Variants in ECE1 observed in about 807,000 individuals in gnomAD.
The protein encoded by ECE1 is endothelin-converting enzyme 1.
Under a neutral mutation model 98.6 loss-of-function variants are expected in ECE1, and 35 were observed. That is an observed-to-expected ratio of 0.35 (90% confidence interval 0.27 to 0.47). The LOEUF (loss-of-function observed/expected upper bound fraction) is 0.47, where lower values mean the gene tolerates loss of function less well. ECE1 is among the 20% of genes least tolerant of loss of function. The pLI is 1.00. For missense variants in ECE1, 814 were observed against 1,025.3 expected, an observed-to-expected ratio of 0.79 and a Z score of 2.81; for synonymous variants, 394 against 407.1, an observed-to-expected ratio of 0.97 and a Z score of 0.39.
chr1:21,264,780 T>C (rs2098231753), intron 4 of ECE1, among the ~76,000 whole-genome samples: 1 of 152,172 alleles, frequency 6.6e-6, no homozygotes, highest in Admixed American at 6.5e-5. Flanking sequence ...GCATTAACAT[T>C]TCATGGAGGC....
intron 8 of ECE1, among the ~76,000 whole-genome samples, 179 bp from the exon 9 acceptor site, chr1:21,247,542 A>T (rs2103264412): frequency 6.6e-6 from 1 of 152,282 alleles, no homozygotes; most frequent in South Asian, 2.1e-4. Context: ...CTGTAGGTAG[A>T]ATTCTAAGGA....
intron 1 of ECE1, among the ~76,000 whole-genome samples, chr1:21,343,599 T>C (rs113274698): frequency 2.0e-5 from 3 of 152,338 alleles, no homozygotes; most frequent in African/African-American, 7.2e-5. Flanking sequence ...CCTTTGGAGG[T>C]AAGTGTTATC....
Position 21,327,151 on chromosome 1 carries a change from G to A in ECE1, c.3+18225C>T, listed in dbSNP as rs61781573. 0.069 allele frequency among the ~76,000 whole-genome samples: 10,552 copies of A among 152,258 alleles called. 495 individuals carry two copies. The highest frequency in any genetic ancestry group is 0.1 in the Non-Finnish European group (7,115 of 67,988). ...CAGACTCTGCAGGCAGCAGGGCATG[G>A]GGAGGGACGAAGCCACCAGGAGACT... On this transcript the variant is annotated intron_variant, in intron 1 of 18. Transcript: ENST00000415912. The surrounding 1 kb of genome is among the most constrained non-coding windows in gnomAD (Gnocchi z 4.6).
chr1:21,238,049 G>C, intron 11 of ECE1, 85 bp downstream of exon 11: 1 of 1,261,526 alleles, frequency 7.9e-7, no homozygotes, highest in South Asian at 1.2e-5. Context: ...AAAGGCCCAG[G>C]GTGGGCTGGA....
At chr1:21,310,290 C>A (rs1172174149) in intron 1 of ECE1, among the ~76,000 whole-genome samples, 1 of 152,188 alleles carries the variant, frequency 6.6e-6, no homozygotes, top group Admixed American at 6.5e-5. Context: ...ACATCCTTCA[C>A]ACCCAGAGAA....
At chr1:21,274,485 AAGGT>A (rs766607741) in intron 3 of ECE1, among the ~76,000 whole-genome samples, 34 of 152,314 alleles carry the variant, frequency 2.2e-4, no homozygotes, top group Middle Eastern at 3.4e-3. Context: ...GTTAGGAAGA[AAGGT>A]AGGACCAATT....
chr1:21,259,316 G>A (rs2103291587), intron 5 of ECE1, among the ~76,000 whole-genome samples: 1 of 152,246 alleles, frequency 6.6e-6, no homozygotes, highest in African/African-American at 2.4e-5. Flanking sequence ...TTCCCAGGCT[G>A]AAGTGCAGTG....
chr1:21,278,120 G>A (rs538526174), intron 3 of ECE1, among the ~76,000 whole-genome samples: 3 of 152,218 alleles, frequency 2.0e-5, no homozygotes, highest in Non-Finnish European at 2.9e-5. Flanking sequence ...GTGGGATGCT[G>A]AGCAGAGCCC....
rs576226597 is a variant in ECE1 at position 21,229,060 on chromosome 1, C to T, written c.1671-1019G>A. ...GTTTCACCGTGTTAGCCAGGATGGT[C>T]TCGATCTCCTGACCTCGTGATCCGC... On this transcript the variant is annotated intron_variant, in intron 14 of 18. Transcript: ENST00000374893. Among the ~76,000 whole-genome samples, 17 of 152,092 alleles carry T rather than the reference C, an allele frequency of 1.1e-4. 1 individual carries two copies. The highest frequency in any genetic ancestry group is 4.1e-4 in the African/African-American group (17 of 41,540).
intron 8 of ECE1, 86 bp downstream of exon 8, chr1:21,255,855 TAGATGA>T: frequency 7.6e-7 from 1 of 1,309,706 alleles, no homozygotes; most frequent in Non-Finnish European, 1.1e-6. Flanking sequence ...TTTCAAGGAC[TAGATGA>T]AATGAGTATA....
rs1187784704 is a variant in ECE1 at position 21,260,370 on chromosome 1, G to A, written c.516C>T (p.Ser172=). Residue 172 remains serine (S), a synonymous_variant, in exon 5 of 19, where the codon AGC becomes AGT. Transcript: ENST00000374893. This position sits in a 1 kb window ranked among gnomAD's most constrained non-coding sequence, Gnocchi z 4.3. ...ATACTTGCGCCTTTCTCTCTGCCTC[G>A]CTCACGCTGGCCGTGGAGTTTTCTG... ...HLLENSTASV[S]EAERKAQVYY... 5.6e-6 allele frequency: 9 copies of A among 1,614,102 alleles called. No homozygotes were observed. Among genetic ancestry groups the A allele is most frequent in the African/African-American group, 5.3e-5 (4 of 74,938 alleles).
At chr1:21,324,748 G>T (rs1229274769) in intron 1 of ECE1, among the ~76,000 whole-genome samples, 1 of 152,226 alleles carries the variant, frequency 6.6e-6, no homozygotes, top group Non-Finnish European at 1.5e-5. Context: ...GGAAGCCAGG[G>T]ACAAATGGAG....
chr1:21,225,214 C>T lies in ECE1; in HGVS notation c.2040+36G>A. ...GACAGGCATCTGGAAGGAGCCAGCA[C>T]TGGGACCGTGCGCGTGTGGGGAGCG... On this transcript the variant is annotated intron_variant, in intron 17 of 18. Transcript: ENST00000374893. The surrounding 1 kb of genome is among the most constrained non-coding windows in gnomAD (Gnocchi z 5.3). 6.2e-7 allele frequency: 1 copy of T among 1,611,996 alleles called. No homozygotes were observed. The highest frequency in any genetic ancestry group is 8.5e-7 in the Non-Finnish European group (1 of 1,179,404).
chr1:21,286,233 T>C (rs921774079), intron 2 of ECE1, among the ~76,000 whole-genome samples: 5 of 152,336 alleles, frequency 3.3e-5, no homozygotes, highest in African/African-American at 1.2e-4. Context: ...ATGGTGTATG[T>C]TCAGGTGTGG....
At chr1:21,286,189 G>A (rs1353415615) in intron 2 of ECE1, among the ~76,000 whole-genome samples, 1 of 152,202 alleles carries the variant, frequency 6.6e-6, no homozygotes, top group Non-Finnish European at 1.5e-5. Flanking sequence ...GGCTGCAGGT[G>A]TAACTTCAGC....
chr1:21,333,373 G>A (rs12735926), intron 1 of ECE1, among the ~76,000 whole-genome samples: 32,555 of 151,434 alleles, frequency 0.21, 3,669 homozygotes, highest in Middle Eastern at 0.29. Flanking sequence ...AGTGTGGCCT[G>A]GCTAAGGAGT....
At chr1:21,328,750 C>T (rs1316322572) in intron 1 of ECE1, among the ~76,000 whole-genome samples, 7 of 133,728 alleles carry the variant, frequency 5.2e-5, no homozygotes, top group African/African-American at 1.5e-4. Context: ...GCAACAAGAG[C>T]GAACCTCCAT....
Position 21,322,062 on chromosome 1 carries a change from T to A in ECE1, c.3+23314A>T, listed in dbSNP as rs1160882004. ...CGTCCCCGGCCACCCTTTGGTCTGG[T>A]CTTGTCTCCCTCCTCCTCTGCCTGA... On this transcript the variant is annotated intron_variant, in intron 1 of 18. Transcript: ENST00000415912. This position sits in a 1 kb window ranked among gnomAD's most constrained non-coding sequence, Gnocchi z 4.1. Among the ~76,000 whole-genome samples the A allele has an allele frequency of 1.3e-5, 2 of 152,144 alleles. No individual in the cohort carries two copies. Among genetic ancestry groups the A allele is most frequent in the Non-Finnish European group, 2.9e-5 (2 of 68,032 alleles).
intron 2 of ECE1, among the ~76,000 whole-genome samples, chr1:21,281,151 C>T (rs1349456878): frequency 6.6e-6 from 1 of 152,146 alleles, no homozygotes; most frequent in Non-Finnish European, 1.5e-5. Context: ...GATTGCGCCA[C>T]TGCACTCCAG....
Sources: gnomAD v4.1 joint callset for allele counts (sites outside exome capture counted in the v4.1 genomes callset) on GRCh38, gnomAD v4.1.1 for gene constraint, Gnocchi (gnomAD v3.1) non-coding constraint, MANE v1.5 for transcripts, NCBI Gene and HGNC (gene_info 2026-07-23, HGNC 2026-07-21) for gene names.